Variants in CDH23 observed in about 807,000 individuals in gnomAD.
The protein encoded by CDH23 is cadherin-23.
In CDH23, 189 loss-of-function variants were observed where a neutral mutation model predicts 317.1. The observed-to-expected ratio is 0.60, with a 90% CI of 0.53 to 0.67. The LOEUF (loss-of-function observed/expected upper bound fraction) is 0.67, where lower values mean the gene tolerates loss of function less well. Among genes scored for constraint, CDH23 ranks in the 30% least tolerant of loss-of-function variants. CDH23 has a pLI of 0.00. For synonymous variants in CDH23, 1,839 were observed against 1,876.8 expected, an observed-to-expected ratio of 0.98 and a Z score of 0.52; for missense variants, 4,401 against 4,592.4, an observed-to-expected ratio of 0.96 and a Z score of 1.20.
chr10:71,716,340 C>A, intron 28 of CDH23: 1 of 1,467,666 alleles, frequency 6.8e-7, no homozygotes, highest in Non-Finnish European at 9.0e-7. Context: ...GTGCTCATGG[C>A]TCCTGCAACA....
In CDH23 at chr10:71,511,170, G is replaced by A. The variant is rs201919232; in HGVS notation, c.387G>A (p.Ala129=). 339 of 1,613,620 alleles carry A rather than the reference G, an allele frequency of 2.1e-4. 1 individual carries two copies. Among genetic ancestry groups the A allele is most frequent in the Admixed American group, 1.8e-3 (110 of 59,994 alleles). ...NIQVGDVNDN[A]PTFHNQPYSV... Reference sequence around the variant, plus strand: ...AGGTTGGGGATGTGAATGACAACGCGCCCACATTTCACAATCAGCCCTACA... The same window carrying A: ...AGGTTGGGGATGTGAATGACAACGCACCCACATTTCACAATCAGCCCTACA... The change falls in exon 6 of 70, where the codon GCG becomes GCA. Residue 129 remains alanine, a synonymous_variant. Coordinates refer to ENST00000224721, the MANE Select transcript of CDH23 (RefSeq NM_022124.6).
chr10:71,448,687 T>C (rs1379839699), intron 3 of CDH23, among the ~76,000 whole-genome samples: 1 of 152,090 alleles, frequency 6.6e-6, no homozygotes. Flanking sequence ...CAACAATGAG[T>C]GGGCATTGGA....
At chr10:71,677,125 T>G (rs1864404600) in intron 15 of CDH23, among the ~76,000 whole-genome samples, 1 of 152,084 alleles carries the variant, frequency 6.6e-6, no homozygotes, top group South Asian at 2.1e-4. Flanking sequence ...TTGGCACACG[T>G]TTTTACCCTC....
Position 71,740,625 on chromosome 10 carries a change from G to C in CDH23, c.4489-197G>C, listed in dbSNP as rs74147053. On this transcript the variant is annotated intron_variant, in intron 36 of 69. Coordinates refer to ENST00000224721, the MANE Select transcript of CDH23 (RefSeq NM_022124.6). ...GGGCAAGAATCATTTGCAGCATGGG[G>C]CAGAAGGTGAAGGCTTTGGGGAGAG... Among the ~76,000 whole-genome samples the C allele has an allele frequency of 0.035, 5,259 of 152,290 alleles. 303 individuals carry two copies. Among genetic ancestry groups the C allele is most frequent in the African/African-American group, 0.12 (4,903 of 41,534 alleles).
intron 14 of CDH23, chr10:71,646,885 A>T (rs1284243523): frequency 1.4e-6 from 2 of 1,429,516 alleles, no homozygotes; most frequent in Non-Finnish European, 1.8e-6. Context: ...TCCCCGAGAG[A>T]GACTCAGTGA....
At position 71,397,241 on chromosome 10, in the gene CDH23, C is replaced by A; in HGVS notation, c.-83C>A. On this transcript the variant is annotated 5_prime_UTR_variant, in exon 1 of 70. Transcript: ENST00000224721. The surrounding 1 kb of genome is among the most constrained non-coding windows in gnomAD (Gnocchi z 4.8). ...CGGCGGTGGCCAGGGCCAGAGCAGG[C>A]GGCCCGCGGGGGCCGATCCGGCGGA... The A allele has an allele frequency of 4.8e-6, 1 of 208,034 alleles. No individual in the cohort carries two copies. Among genetic ancestry groups the A allele is most frequent in the Admixed American group, 6.4e-5 (1 of 15,616 alleles). 12.9% of individuals were successfully genotyped at this position (208,034 alleles called of 1,614,324 possible).
At chr10:71,694,115 C>A in intron 20 of CDH23, 32 bp from the exon 21 acceptor site, 4 of 1,538,996 alleles carry the variant, frequency 2.6e-6, no homozygotes, top group Non-Finnish European at 2.7e-6. Flanking sequence ...CCCACCCAAA[C>A]CCTCTCACGC....
chr10:71,508,162 G>A (rs1853750964), intron 3 of CDH23: 1 of 152,186 alleles, frequency 6.6e-6, no homozygotes, highest in African/African-American at 2.4e-5. Context: ...AGACTTGCTG[G>A]GAGGATTTAA....
At chr10:71,765,362 G>A (rs7902595) in intron 38 of CDH23, among the ~76,000 whole-genome samples, 2,576 of 152,378 alleles carry the variant, frequency 0.017, 76 homozygotes, top group African/African-American at 0.058. Flanking sequence ...CAGGCCAGAG[G>A]AGGGTATGGC....
intron 38 of CDH23, among the ~76,000 whole-genome samples, chr10:71,767,886 C>T (rs1358446966): frequency 1.3e-5 from 2 of 152,172 alleles, no homozygotes; most frequent in African/African-American, 4.8e-5. Context: ...TCCGTGCATC[C>T]GGGGCTGGAG....
chr10:71,555,093 G>A (rs1856805390), intron 6 of CDH23, among the ~76,000 whole-genome samples: 1 of 152,166 alleles, frequency 6.6e-6, no homozygotes, highest in Admixed American at 6.5e-5. Flanking sequence ...CAGCCAATCA[G>A]ACCAATCACT....
At chr10:71,583,331 G>A (rs747540573) in intron 9 of CDH23, among the ~76,000 whole-genome samples, 24 of 152,020 alleles carry the variant, frequency 1.6e-4, no homozygotes, top group Non-Finnish European at 3.2e-4. Context: ...TCAGGAGAAT[G>A]CCAGCCCTGG....
intron 6 of CDH23, among the ~76,000 whole-genome samples, chr10:71,525,754 C>A (rs1855004066): frequency 6.6e-6 from 1 of 152,198 alleles, no homozygotes; most frequent in Non-Finnish European, 1.5e-5. Flanking sequence ...GCCTGAGCAT[C>A]CGTGACCCTC....
chr10:71,455,935 G>A (rs1177195466), intron 3 of CDH23, among the ~76,000 whole-genome samples: 3 of 152,162 alleles, frequency 2.0e-5, no homozygotes, highest in Non-Finnish European at 4.4e-5. Flanking sequence ...GGTCCGGATT[G>A]CAGCTGCCCT....
At chr10:71,662,854 CA>C (rs1373691085) in intron 14 of CDH23, among the ~76,000 whole-genome samples, 1 of 152,164 alleles carries the variant, frequency 6.6e-6, no homozygotes, top group Non-Finnish European at 1.5e-5. Context: ...GCTCTGGAGT[CA>C]GAAATCTGAA....
In CDH23 at chr10:71,646,536, C is replaced by T. The variant is rs766739510; in HGVS notation, c.1368C>T (p.Asn456=). 5.6e-6 allele frequency: 9 copies of T among 1,613,994 alleles called. No individual in the cohort carries two copies. The highest frequency in any genetic ancestry group is 2.2e-5 in the East Asian group (1 of 44,874). ...VKITLINEND[N]RPIFSQPLYN... is the part of the protein sequence containing the mutation. Reference sequence around the variant, plus strand: ...TCACTCTCATCAATGAAAATGACAACCGGCCCATCTTCAGCCAGCCACTGT... The same window carrying T: ...TCACTCTCATCAATGAAAATGACAATCGGCCCATCTTCAGCCAGCCACTGT... Residue 456 remains asparagine, a synonymous_variant, in exon 14 of 70, where the codon AAC becomes AAT. Coordinates refer to ENST00000224721, the MANE Select transcript of CDH23 (RefSeq NM_022124.6).
At chr10:71,446,527 C>A (rs2132024108) in intron 3 of CDH23, 132 bp downstream of exon 3, 2 of 897,326 alleles carry the variant, frequency 2.2e-6, no homozygotes, top group Admixed American at 2.1e-5. Flanking sequence ...TGTAGAAAGG[C>A]CCCTGCTAGG....
chr10:71,420,319 G>A (rs2131945194), intron 1 of CDH23, among the ~76,000 whole-genome samples: 1 of 151,604 alleles, frequency 6.6e-6, no homozygotes. Context: ...CAGACACCTA[G>A]GCTTCGCTCC....
chr10:71,684,200 C>G (rs962110230), intron 18 of CDH23, among the ~76,000 whole-genome samples: 2 of 152,046 alleles, frequency 1.3e-5, no homozygotes, highest in Non-Finnish European at 2.9e-5. Context: ...CAGTCATGAC[C>G]ATGGACTGGC....
Sources: gnomAD v4.1 joint callset for allele counts (sites outside exome capture counted in the v4.1 genomes callset) on GRCh38, gnomAD v4.1.1 for gene constraint, Gnocchi (gnomAD v3.1) non-coding constraint, MANE v1.5 for transcripts, NCBI Gene and HGNC (gene_info 2026-07-23, HGNC 2026-07-21) for gene names.